ATXN1: variants seen among roughly 807,000 people sequenced by gnomAD.
ATXN1 encodes the protein ataxin-1.
In ATXN1, 8 loss-of-function variants were observed where a neutral mutation model predicts 56.4. The ratio of observed to expected loss-of-function variants is 0.14; its 90% CI spans 0.08 to 0.26. The LOEUF (loss-of-function observed/expected upper bound fraction) is 0.26. Ranked by LOEUF, ATXN1 falls within the 10% of genes least tolerant of loss-of-function variation. The probability of loss-of-function intolerance (pLI) is 1.00; values close to 1 mark genes in which losing one functional copy is unlikely to be tolerated. For synonymous variants in ATXN1, 514 were observed against 494.6 expected, an observed-to-expected ratio of 1.04 and a Z score of -0.52; for missense variants, 987 against 1,106.5, an observed-to-expected ratio of 0.89 and a Z score of 1.53.
At chr6:16,449,078 G>C (rs371634964) in intron 6 of ATXN1, among the ~76,000 whole-genome samples, 1 of 78,238 alleles carries the variant, frequency 1.3e-5, no homozygotes, top group South Asian at 3.6e-4. Context: ...TCAAAATAAA[G>C]GTATCCCGTC....
chr6:16,459,578 A>G (rs2175894), intron 6 of ATXN1, among the ~76,000 whole-genome samples: 69,981 of 151,854 alleles, frequency 0.46, 16,730 homozygotes, highest in East Asian at 0.82. Context: ...TCAAATACCA[A>G]AGGAAGCAGA....
At chr6:16,523,779 CCAAA>C (rs1761340249) in intron 4 of ATXN1, among the ~76,000 whole-genome samples, 1 of 152,002 alleles carries the variant, frequency 6.6e-6, no homozygotes, top group Non-Finnish European at 1.5e-5. Flanking sequence ...TACTGACGGG[CCAAA>C]CAAAGTGTGG....
At chr6:16,549,889 T>G (rs1463270325) in intron 4 of ATXN1, among the ~76,000 whole-genome samples, 2 of 108,376 alleles carry the variant, frequency 1.8e-5, no homozygotes, top group Non-Finnish European at 3.5e-5. Context: ...AGAGCGAAAC[T>G]CTGTCTCAAA....
At chr6:16,630,667 T>G (rs17603856) in intron 3 of ATXN1, among the ~76,000 whole-genome samples, 42,875 of 151,998 alleles carry the variant, frequency 0.28, 7,060 homozygotes, top group Admixed American at 0.41. Flanking sequence ...AAAATGGAGG[T>G]TCTCAGGTAG....
intron 4 of ATXN1, among the ~76,000 whole-genome samples, chr6:16,543,429 T>A (rs1761752507): frequency 6.6e-6 from 1 of 152,154 alleles, no homozygotes; most frequent in African/African-American, 2.4e-5. Context: ...AAATTTTAAA[T>A]GAACATCCTT....
intron 6 of ATXN1, among the ~76,000 whole-genome samples, chr6:16,353,500 C>G (rs975012659): frequency 1.3e-5 from 2 of 152,042 alleles, no homozygotes; most frequent in Non-Finnish European, 2.9e-5. Context: ...TGCCAAAACC[C>G]CCGTCTCTAC....
intron 3 of ATXN1, among the ~76,000 whole-genome samples, chr6:16,621,513 G>A (rs1398168485): frequency 2.6e-5 from 4 of 152,204 alleles, no homozygotes; most frequent in Non-Finnish European, 5.9e-5. Context: ...CCTGAGGTCA[G>A]GAGTTCAAGA....
At position 16,549,703 on chromosome 6, in the gene ATXN1, G is replaced by A. The variant is rs370303413; in HGVS notation, c.-360-27015C>T. Among the ~76,000 whole-genome samples the A allele has an allele frequency of 7.9e-5, 12 of 152,190 alleles. No homozygotes were observed. In the East Asian group the frequency reaches 1.9e-3, roughly 25 times the overall value. ...ACCTGAGGCTGGGAGTTCGAGACCA[G>A]CCTGACCAACATGGTGAAACCCCGT... On this transcript the variant is annotated intron_variant, in intron 4 of 7. Transcript: ENST00000436367.
At chr6:16,602,769 G>A (rs753640612) in intron 3 of ATXN1, among the ~76,000 whole-genome samples, 2 of 152,040 alleles carry the variant, frequency 1.3e-5, no homozygotes, top group African/African-American at 2.4e-5. Flanking sequence ...ATTCTGAACG[G>A]GGAAAGAGGA....
chr6:16,417,810 G>C (rs1463512031), intron 6 of ATXN1, among the ~76,000 whole-genome samples: 1 of 151,992 alleles, frequency 6.6e-6, no homozygotes, highest in Non-Finnish European at 1.5e-5. Context: ...GACAACTGAT[G>C]CCATTCATGC....
intron 7 of ATXN1, among the ~76,000 whole-genome samples, chr6:16,311,473 TCATGGGCTTGTTC>T (rs1760388494): frequency 6.6e-6 from 1 of 152,206 alleles, no homozygotes; most frequent in Non-Finnish European, 1.5e-5. Context: ...AGGCATGAGC[TCATGGGCTTGTTC>T]CATGGTACAG....
At chr6:16,486,815 C>T (rs945003353) in intron 5 of ATXN1, among the ~76,000 whole-genome samples, 16 of 152,190 alleles carry the variant, frequency 1.1e-4, no homozygotes, top group East Asian at 7.7e-4. Context: ...CCTCAGATTG[C>T]TGGTTTGCAG....
intron 6 of ATXN1, among the ~76,000 whole-genome samples, chr6:16,474,082 T>C (rs1358837593): frequency 1.3e-5 from 2 of 152,238 alleles, no homozygotes; most frequent in Non-Finnish European, 2.9e-5. Flanking sequence ...TGGCTTTTTC[T>C]TCATGAGACT....
At chr6:16,644,869 C>T (rs542833152) in intron 3 of ATXN1, among the ~76,000 whole-genome samples, 4 of 152,228 alleles carry the variant, frequency 2.6e-5, no homozygotes, top group Admixed American at 6.5e-5. Flanking sequence ...CAAATATTTA[C>T]GCTTCCTGAT....
intron 3 of ATXN1, among the ~76,000 whole-genome samples, chr6:16,621,264 T>C (rs1763315134): frequency 6.6e-6 from 1 of 152,244 alleles, no homozygotes; most frequent in Non-Finnish European, 1.5e-5. Flanking sequence ...CTCACAGACC[T>C]GCTTCAGTCT....
intron 5 of ATXN1, among the ~76,000 whole-genome samples, chr6:16,499,212 C>CA (rs1760832368): frequency 6.6e-6 from 1 of 152,120 alleles, no homozygotes; most frequent in African/African-American, 2.4e-5. Context: ...CTTTCTCTGG[C>CA]ATGTGTCCCA....
At chr6:16,404,824 C>T (rs990524082) in intron 6 of ATXN1, among the ~76,000 whole-genome samples, 4 of 152,174 alleles carry the variant, frequency 2.6e-5, no homozygotes, top group Non-Finnish European at 4.4e-5. Flanking sequence ...AAGGGGCTGT[C>T]GGTACAGCCT....
intron 4 of ATXN1, among the ~76,000 whole-genome samples, chr6:16,533,834 T>C (rs888878180): frequency 7.2e-5 from 11 of 152,138 alleles, no homozygotes; most frequent in Non-Finnish European, 1.0e-4. Flanking sequence ...TAACACCATA[T>C]ACCATGCACA....
At chr6:16,626,028 C>T (rs1561784089) in intron 3 of ATXN1, among the ~76,000 whole-genome samples, 1 of 152,132 alleles carries the variant, frequency 6.6e-6, no homozygotes, top group Non-Finnish European at 1.5e-5. Flanking sequence ...CTCACAAGAC[C>T]CTTTTTAAAT....
Sources: gnomAD v4.1 joint callset for allele counts (sites outside exome capture counted in the v4.1 genomes callset) on GRCh38, gnomAD v4.1.1 for gene constraint, MANE v1.5 for transcripts, NCBI Gene and HGNC (gene_info 2026-07-23, HGNC 2026-07-21) for gene names.